Variants in GRIP1 observed in about 807,000 individuals in gnomAD.
GRIP1 encodes the protein glutamate receptor-interacting protein 1.
A neutral mutation model predicts 129.9 loss-of-function variants in GRIP1; 45 were observed. That is an observed-to-expected ratio of 0.35 (90% CI 0.27 to 0.44). GRIP1 has a LOEUF of 0.44. Ranked by LOEUF, GRIP1 falls within the 20% of genes least tolerant of loss-of-function variation. The pLI is 1.00. For missense variants in GRIP1, 1,196 were observed against 1,396.8 expected, an observed-to-expected ratio of 0.86 and a Z score of 2.29; for synonymous variants, 530 against 520.8, an observed-to-expected ratio of 1.02 and a Z score of -0.24.
At chr12:67,028,866 T>C (rs1237910996) in intron 1 of GRIP1, among the ~76,000 whole-genome samples, 1 of 152,198 alleles carries the variant, frequency 6.6e-6, no homozygotes, top group East Asian at 1.9e-4. Context: ...ACACTGGTTA[T>C]AAAATTTCTC....
rs2033232259 is a variant in GRIP1 at position 66,657,461 on chromosome 12, T to C, written c.55+21389A>G. 2.0e-5 allele frequency among the ~76,000 whole-genome samples: 3 copies of C among 152,194 alleles called. 1 individual carries two copies. The South Asian group carries it at 6.2e-4, about 32-fold the overall frequency. On this transcript the variant is annotated intron_variant, in intron 1 of 24. Coordinates refer to ENST00000359742, the MANE Select transcript of GRIP1 (RefSeq NM_001366722.1). ...CTGGCTTTATGTCTCAAGTAGGGTG[T>C]CCTTCTGTCCTAAACTGAGCCTCTA...
At chr12:66,411,078 C>G (rs1193317406) in intron 15 of GRIP1, among the ~76,000 whole-genome samples, 1 of 152,150 alleles carries the variant, frequency 6.6e-6, no homozygotes, top group Non-Finnish European at 1.5e-5. Flanking sequence ...CCTGCTGGCT[C>G]TGGAGGGTCT....
intron 2 of GRIP1, among the ~76,000 whole-genome samples, chr12:66,565,321 C>A (rs1467130059): frequency 1.3e-5 from 2 of 152,148 alleles, no homozygotes; most frequent in South Asian, 4.1e-4. Context: ...GGAAGGGATC[C>A]AGTTTCAGCT....
chr12:66,569,383 A>C (rs1158183492), intron 2 of GRIP1, among the ~76,000 whole-genome samples: 2 of 152,212 alleles, frequency 1.3e-5, no homozygotes, highest in African/African-American at 4.8e-5. Flanking sequence ...AAGCTGAGGC[A>C]GGAGAATCGC....
At chr12:66,847,480 C>T (rs2039838320) in intron 1 of GRIP1, among the ~76,000 whole-genome samples, 1 of 152,146 alleles carries the variant, frequency 6.6e-6, no homozygotes, top group Non-Finnish European at 1.5e-5. Flanking sequence ...TCAATTCCAG[C>T]TATATGCTTT....
At chr12:66,797,729 C>T (rs2136896431) in intron 1 of GRIP1, among the ~76,000 whole-genome samples, 1 of 152,248 alleles carries the variant, frequency 6.6e-6, no homozygotes, top group South Asian at 2.1e-4. Context: ...ATTCTCTAAC[C>T]TAGAGACCTT....
At chr12:67,041,287 CAAAT>C (rs1368455090) in intron 1 of GRIP1, among the ~76,000 whole-genome samples, 2 of 151,656 alleles carry the variant, frequency 1.3e-5, no homozygotes, top group African/African-American at 2.4e-5. Context: ...TATACACACA[CAAAT>C]ATATATACAC....
intron 1 of GRIP1, among the ~76,000 whole-genome samples, chr12:66,815,854 T>TTCTTTCTCTC (rs1555241802): frequency 0.016 from 1,827 of 116,760 alleles, 33 homozygotes; most frequent in East Asian, 0.046. Flanking sequence ...CTTTCTTTCT[T>TTCTTTCTCTC]TCTCTCTCTC....
chr12:66,726,584 C>G (rs1397964420), intron 1 of GRIP1, among the ~76,000 whole-genome samples: 2 of 152,152 alleles, frequency 1.3e-5, no homozygotes, highest in South Asian at 2.1e-4. Context: ...ATGAACAATA[C>G]CTTTTTAAAA....
At chr12:66,559,659 A>C (rs892286134) in intron 2 of GRIP1, among the ~76,000 whole-genome samples, 12 of 152,318 alleles carry the variant, frequency 7.9e-5, no homozygotes, top group African/African-American at 2.6e-4. Flanking sequence ...ACCTTGATGA[A>C]AGAAATTGAA....
At chr12:66,421,713 T>C (rs951840427) in intron 14 of GRIP1, among the ~76,000 whole-genome samples, 2 of 151,752 alleles carry the variant, frequency 1.3e-5, no homozygotes, top group African/African-American at 4.8e-5. Flanking sequence ...TAAATTTTTA[T>C]ATATGCTCAT....
intron 1 of GRIP1, among the ~76,000 whole-genome samples, chr12:66,726,555 C>T (rs903874798): frequency 6.6e-6 from 1 of 152,152 alleles, no homozygotes; most frequent in African/African-American, 2.4e-5. Context: ...CCAGTATTTT[C>T]AGATTGTGAT....
chr12:66,866,093 G>A (rs1356491057), intron 1 of GRIP1, among the ~76,000 whole-genome samples: 2 of 152,114 alleles, frequency 1.3e-5, no homozygotes, highest in African/African-American at 2.4e-5. Flanking sequence ...TGATGGCTTT[G>A]AAACACAGAT....
chr12:66,397,526 A>G (rs1053278693), intron 16 of GRIP1, among the ~76,000 whole-genome samples: 2 of 151,778 alleles, frequency 1.3e-5, no homozygotes, highest in African/African-American at 2.4e-5. Flanking sequence ...AAAAAAAAAA[A>G]GCTATGTGTT....
Position 66,852,548 on chromosome 12 carries a change from G to GTA in GRIP1, c.58+216500_58+216501dup, listed in dbSNP as rs889640301. On this transcript the variant is annotated intron_variant, in intron 1 of 1. Transcript: ENST00000643019. ...TATGTATATGTATATATGTATATAT[G>GTA]TATATGTATATATGTATATGCATAC... 6.6e-4 allele frequency among the ~76,000 whole-genome samples: 95 copies of GTA among 143,566 alleles called. 2 individuals are homozygous for GTA. Among genetic ancestry groups the GTA allele is most frequent in the African/African-American group, 2.2e-3 (86 of 39,400 alleles). 94.2% of individuals were successfully genotyped at this position (143,566 alleles called of 152,430 possible).
chr12:66,942,142 T>G (rs1167888724), intron 1 of GRIP1, among the ~76,000 whole-genome samples: 1 of 152,232 alleles, frequency 6.6e-6, no homozygotes, highest in Non-Finnish European at 1.5e-5. Context: ...CATTATTTTC[T>G]GATAAGATAA....
At chr12:66,350,613 G>C (rs1419486624) in intron 24 of GRIP1, among the ~76,000 whole-genome samples, 1 of 152,104 alleles carries the variant, frequency 6.6e-6, no homozygotes, top group Admixed American at 6.5e-5. Flanking sequence ...CCACCCTTCA[G>C]TATCCTAAAT....
At chr12:66,408,922 C>T (rs998828303) in intron 15 of GRIP1, among the ~76,000 whole-genome samples, 96 of 152,156 alleles carry the variant, frequency 6.3e-4, no homozygotes, top group African/African-American at 2.2e-3. Context: ...GCAGTGGTGG[C>T]CAGGGGGAGA....
intron 14 of GRIP1, among the ~76,000 whole-genome samples, chr12:66,421,768 C>G (rs12371165): frequency 6.7e-6 from 1 of 150,348 alleles, no homozygotes; most frequent in Non-Finnish European, 1.5e-5. Flanking sequence ...TTAGATAAAA[C>G]TATTATACTG....
Sources: gnomAD v4.1 joint callset for allele counts (sites outside exome capture counted in the v4.1 genomes callset) on GRCh38, gnomAD v4.1.1 for gene constraint, MANE v1.5 for transcripts, NCBI Gene and HGNC (gene_info 2026-07-23, HGNC 2026-07-21) for gene names.